Variants in MTHFD1L observed in about 807,000 individuals in gnomAD.
MTHFD1L encodes the protein monofunctional C1-tetrahydrofolate synthase, mitochondrial.
In MTHFD1L, 81 loss-of-function variants were observed where a neutral mutation model predicts 119.5. The ratio of observed to expected loss-of-function variants is 0.68; its 90% CI spans 0.57 to 0.82. The LOEUF is 0.82. Among genes scored for constraint, MTHFD1L ranks in the 40% least tolerant of loss-of-function variants. The pLI, the probability that MTHFD1L is intolerant of heterozygous loss-of-function variation, is 0.00. For missense variants in MTHFD1L, 1,125 were observed against 1,253.4 expected, an observed-to-expected ratio of 0.90 and a Z score of 1.55; for synonymous variants, 430 against 475.2, an observed-to-expected ratio of 0.90 and a Z score of 1.24.
chr6:151,092,665 G>C (rs900594813), intron 27 of MTHFD1L, 78 bp downstream of exon 27: 25 of 792,564 alleles, frequency 3.2e-5, no homozygotes, highest in African/African-American at 1.1e-4. Context: ...TTTTTTTTCT[G>C]ATACCACAGA....
chr6:150,948,265 C>A (rs745581869), intron 15 of MTHFD1L, among the ~76,000 whole-genome samples: 1 of 152,086 alleles, frequency 6.6e-6, no homozygotes, highest in Non-Finnish European at 1.5e-5. Context: ...CCTCCGCCTC[C>A]CAAAGCGCTG....
At chr6:150,934,447 C>T (rs1358887624) in intron 11 of MTHFD1L, among the ~76,000 whole-genome samples, 1 of 152,192 alleles carries the variant, frequency 6.6e-6, no homozygotes, top group African/African-American at 2.4e-5. Context: ...GTGTTTGTCA[C>T]ATTTATCGTA....
At position 150,885,603 on chromosome 6, in the gene MTHFD1L, A is replaced by G. The variant is rs777464746; in HGVS notation, c.543-31A>G. On this transcript the variant is annotated intron_variant, in intron 5 of 27. Transcript: ENST00000367321. ...GAGTGATTTTTTTGGCTGGGCTTTG[A>G]CTTAACCTACTTCTTTATTTTCTGA... is the stretch of plus-strand genomic sequence containing the variant. 6.3e-6 allele frequency: 10 copies of G among 1,580,156 alleles called. No homozygotes were observed. In the South Asian group the frequency reaches 6.7e-5, roughly 11 times the overall value.
chr6:150,919,695 A>T (rs1425350811), intron 9 of MTHFD1L, among the ~76,000 whole-genome samples: 1 of 152,144 alleles, frequency 6.6e-6, no homozygotes, highest in Non-Finnish European at 1.5e-5. Flanking sequence ...AAATGACCAG[A>T]TCTCATGAGA....
At chr6:150,963,558 A>G (rs1796763708) in intron 18 of MTHFD1L, among the ~76,000 whole-genome samples, 1 of 152,252 alleles carries the variant, frequency 6.6e-6, no homozygotes, top group African/African-American at 2.4e-5. Context: ...ATGATTAAAT[A>G]TTATAAAAAT....
chr6:150,931,311 C>G (rs781002010), intron 11 of MTHFD1L, among the ~76,000 whole-genome samples: 28 of 146,356 alleles, frequency 1.9e-4, no homozygotes, highest in Non-Finnish European at 3.9e-4. Context: ...GCCAAATACC[C>G]GATTGGATTT....
chr6:150,898,849 T>TTATTC, intron 7 of MTHFD1L: 1 of 327,984 alleles, frequency 3.0e-6, no homozygotes, highest in South Asian at 2.5e-5. Flanking sequence ...TATTATTATT[T>TTATTC]TCTTTTTCAG....
At chr6:151,087,959 C>T (rs1793981402) in intron 26 of MTHFD1L, 1 of 152,252 alleles carries the variant, frequency 6.6e-6, no homozygotes, top group Admixed American at 6.5e-5. Context: ...AAGCAAGAGG[C>T]CTCCTTAAAG....
chr6:151,012,500 T>C (rs557986622), intron 21 of MTHFD1L, among the ~76,000 whole-genome samples: 1 of 152,244 alleles, frequency 6.6e-6, no homozygotes, highest in East Asian at 1.9e-4. Flanking sequence ...ATTTGTACAG[T>C]GGAAAATCTT....
chr6:150,877,969 T>A, intron 4 of MTHFD1L, 143 bp downstream of exon 4: 1 of 948,850 alleles, frequency 1.1e-6, no homozygotes, highest in Non-Finnish European at 1.6e-6. Flanking sequence ...ACTTCTTTTC[T>A]CTAGGGTAAA....
chr6:150,904,279 T>G (rs996174506), intron 7 of MTHFD1L, among the ~76,000 whole-genome samples: 1 of 152,196 alleles, frequency 6.6e-6, no homozygotes, highest in Non-Finnish European at 1.5e-5. Context: ...TTGTGTGTTG[T>G]AATCTGCCCC....
At position 151,088,623 on chromosome 6, in the gene MTHFD1L, A is replaced by ATTTT. The variant is rs71014539; in HGVS notation, c.2848-3828_2848-3825dup. Among the ~76,000 whole-genome samples, 535 of 128,588 alleles carry ATTTT rather than the reference A, an allele frequency of 4.2e-3. 12 individuals are homozygous for ATTTT. Among genetic ancestry groups the ATTTT allele is most frequent in the Middle Eastern group, 0.017 (4 of 238 alleles). 84.4% of individuals were successfully genotyped at this position (128,588 alleles called of 152,430 possible). On this transcript the variant is annotated intron_variant, in intron 26 of 27. Transcript: ENST00000367321. ...GGGTGCTCATTACCACACCCAGCTA[A>ATTTT]TTTTTTTTTTTTTTTTTTTGTATTT... is the stretch of plus-strand genomic sequence containing the variant.
At chr6:151,062,207 C>T (rs888561991) in intron 26 of MTHFD1L, among the ~76,000 whole-genome samples, 1 of 152,154 alleles carries the variant, frequency 6.6e-6, no homozygotes, top group Non-Finnish European at 1.5e-5. Context: ...AAGGCCGAGG[C>T]GAGCGGATCA....
intron 7 of MTHFD1L, chr6:150,898,977 A>T (rs1784708667): frequency 9.6e-7 from 1 of 1,039,430 alleles, no homozygotes; most frequent in East Asian, 1.0e-4. Context: ...TTGATGAGTC[A>T]TTAAAGTATA....
intron 7 of MTHFD1L, among the ~76,000 whole-genome samples, chr6:150,888,248 G>A (rs1296284463): frequency 6.6e-6 from 1 of 152,164 alleles, no homozygotes; most frequent in Non-Finnish European, 1.5e-5. Flanking sequence ...AAGAAGGAAC[G>A]TGGCCTAACA....
intron 20 of MTHFD1L, among the ~76,000 whole-genome samples, chr6:150,982,813 C>T (rs1279234288): frequency 6.6e-6 from 1 of 152,030 alleles, no homozygotes; most frequent in East Asian, 1.9e-4. Flanking sequence ...AATTCTCCTG[C>T]CTCAGCCTCC....
At chr6:150,978,760 C>T (rs550544248) in intron 20 of MTHFD1L, among the ~76,000 whole-genome samples, 58 of 152,278 alleles carry the variant, frequency 3.8e-4, no homozygotes, top group Middle Eastern at 3.4e-3. Context: ...TTACTATCCT[C>T]ATCTTACAGA....
rs1292451271 is a variant in MTHFD1L, at chr6:150,960,308, A to C, written c.1837A>C (p.Met613Leu). 1.2e-6 allele frequency: 2 copies of C among 1,613,812 alleles called. No individual in the cohort carries two copies. Among genetic ancestry groups the C allele is most frequent in the African/African-American group, 2.7e-5 (2 of 74,906 alleles). The change falls in exon 18 of 28, where the codon ATG becomes CTG. Residue 613 changes from methionine to leucine, a missense_variant. By Grantham distance (15) the Met-to-Leu change is conservative (BLOSUM62 2). This residue lies in a region of MTHFD1L where 1,058 missense variants were observed against 1,151.2 expected (regional missense o/e 0.92). Coordinates refer to ENST00000367321, the MANE Select transcript of MTHFD1L (RefSeq NM_015440.5). ...QFDIAVASEI[M>L]AVLALTDSLA... is the part of the protein sequence containing the mutation. Reference sequence around the variant, plus strand: ...TGACATCGCAGTGGCCAGCGAGATCATGGCGGTGCTGGCCCTGACGGACAG... The same window carrying C: ...TGACATCGCAGTGGCCAGCGAGATCCTGGCGGTGCTGGCCCTGACGGACAG...
At chr6:150,881,227 T>A (rs1781350531) in intron 4 of MTHFD1L, among the ~76,000 whole-genome samples, 1 of 152,192 alleles carries the variant, frequency 6.6e-6, no homozygotes, top group Non-Finnish European at 1.5e-5. Context: ...TGAGACCTTA[T>A]ATTTAAGTCT....
Sources: gnomAD v4.1 joint callset for allele counts (sites outside exome capture counted in the v4.1 genomes callset) on GRCh38, gnomAD v4.1.1 for gene constraint, gnomAD v4.1.1 regional missense constraint, MANE v1.5 for transcripts, NCBI Gene and HGNC (gene_info 2026-07-23, HGNC 2026-07-21) for gene names.